The following PCDHGC4 variants were observed in gnomAD, a reference collection of about 807,000 sequenced individuals.
PCDHGC4 encodes protocadherin gamma subfamily C, 4, also known as protocadherin gamma-C4.
In PCDHGC4, 15 loss-of-function variants were observed where a neutral mutation model predicts 59.7. The ratio of observed to expected loss-of-function variants is 0.25; its 90% confidence interval spans 0.17 to 0.39. The LOEUF is 0.39. Ranked by LOEUF, PCDHGC4 falls within the 10% of genes least tolerant of loss-of-function variation. The pLI is 1.00. For synonymous variants in PCDHGC4, 434 were observed against 481.4 expected, an observed-to-expected ratio of 0.90 and a Z score of 1.29; for missense variants, 1,016 against 1,189.5, an observed-to-expected ratio of 0.85 and a Z score of 2.15.
intron 2 of PCDHGC4, among the ~76,000 whole-genome samples, chr5:141,497,293 C>T (rs1270907262): frequency 6.6e-6 from 1 of 152,136 alleles, no homozygotes. Flanking sequence ...TACCTACCAC[C>T]ACCCCAGGCC....
intron 3 of PCDHGC4, among the ~76,000 whole-genome samples, chr5:141,506,012 T>C (rs2099850012): frequency 6.6e-6 from 1 of 152,208 alleles, no homozygotes; most frequent in Non-Finnish European, 1.5e-5. Context: ...CCTCTTTTGC[T>C]GCCCCTAACT....
intron 3 of PCDHGC4, among the ~76,000 whole-genome samples, chr5:141,506,444 C>T (rs542906499): frequency 2.1e-5 from 2 of 95,022 alleles, no homozygotes; most frequent in South Asian, 3.6e-4. Flanking sequence ...CGCTCTGTCT[C>T]AAAAAAAAAA....
rs1463716042 is a variant in PCDHGC4 at position 141,511,338 on chromosome 5, T to C, written c.*165T>C. 42 of 1,429,834 alleles carry C rather than the reference T, an allele frequency of 2.9e-5. No homozygotes were observed. The highest frequency in any genetic ancestry group is 3.9e-5 in the Non-Finnish European group (42 of 1,075,502). 88.6% of individuals were successfully genotyped at this position (1,429,834 alleles called of 1,614,324 possible). A position where few individuals can be genotyped will look rare whatever the true frequency, so the allele number is the denominator to read the frequency against. On this transcript the variant is annotated 3_prime_UTR_variant, in exon 4 of 4. Coordinates refer to ENST00000306593, the MANE Select transcript of PCDHGC4 (RefSeq NM_018928.3). ...CAGAAACAAGTGCCCAGTCAGCACC[T>C]ACCCCTTCCCCCCCAGGGGGTTGAA... is the stretch of plus-strand genomic sequence containing the variant.
At chr5:141,498,971 G>GGGAGGGAAGGAAGGAAGGAAGGAA (rs2099787588) in intron 2 of PCDHGC4, among the ~76,000 whole-genome samples, 6 of 110,972 alleles carry the variant, frequency 5.4e-5, no homozygotes, top group Admixed American at 5.3e-4. Flanking sequence ...GAGGGAGGGA[G>GGGAGGGAAGGAAGGAAGGAAGGAA]GGAAGGAAGG....
Position 141,491,162 on chromosome 5 carries a change from C to T in PCDHGC4, c.2442+3547C>T. 6.2e-7 allele frequency: 1 copy of T among 1,614,112 alleles called. No homozygotes were observed. Among genetic ancestry groups the T allele is most frequent in the Non-Finnish European group, 8.5e-7 (1 of 1,179,952 alleles). On this transcript the variant is annotated intron_variant, in intron 1 of 3. Coordinates refer to ENST00000306593, the MANE Select transcript of PCDHGC4 (RefSeq NM_018928.3). This position sits in a 1 kb window ranked among gnomAD's most constrained non-coding sequence, Gnocchi z 6.9. ...GCCTTACTGGAGGATGACTCTGACA[C>T]CCAGCAGGTGGTGGTCCTGGTGAGG...
In PCDHGC4 at chr5:141,485,115, G is replaced by T. The variant is rs1043877839; in HGVS notation, c.-59G>T. On this transcript the variant is annotated 5_prime_UTR_variant, in exon 1 of 4. Transcript: ENST00000306593. This position sits in a 1 kb window ranked among gnomAD's most constrained non-coding sequence, Gnocchi z 5.7. ...GTGTCTCCAGCTGCTGTGGCTGTTT[G>T]GGGCGGGTCGGCTTCATCCGCGTCT... The T allele has an allele frequency of 3.8e-6, 5 of 1,300,464 alleles. No homozygotes were observed. The African/African-American group carries it at 5.8e-5, about 15-fold the overall frequency. The allele number at this position is 1,300,464 out of a possible 1,614,324, so 80.6% of individuals were successfully genotyped here.
rs750928530 is a variant in PCDHGC4 at position 141,490,174 on chromosome 5, G to T, written c.2442+2559G>T. 1 of 1,614,056 alleles carries T rather than the reference G, an allele frequency of 6.2e-7. No individual in the cohort carries two copies. Among genetic ancestry groups the T allele is most frequent in the South Asian group, 1.1e-5 (1 of 91,086 alleles). ...TGTGTTGGGTCCCATAGACTTTGAG[G>T]AGTCACGTTTCTATGAAATTCATGC... On this transcript the variant is annotated intron_variant, in intron 1 of 3. Transcript: ENST00000306593. This position sits in a 1 kb window ranked among gnomAD's most constrained non-coding sequence, Gnocchi z 5.4.
At chr5:141,496,698 C>T (rs2099770595) in intron 2 of PCDHGC4, among the ~76,000 whole-genome samples, 1 of 152,196 alleles carries the variant, frequency 6.6e-6, no homozygotes, top group Non-Finnish European at 1.5e-5. Context: ...CCAACCTTCT[C>T]ATAAGTTATC....
chr5:141,492,220 C>T (rs1388948434), intron 1 of PCDHGC4, among the ~76,000 whole-genome samples: 2 of 152,190 alleles, frequency 1.3e-5, no homozygotes, highest in Non-Finnish European at 1.5e-5. Context: ...GGGGCTCATG[C>T]GTGTCCTCCC....
At chr5:141,501,755 G>C (rs2099810889) in intron 2 of PCDHGC4, among the ~76,000 whole-genome samples, 1 of 152,116 alleles carries the variant, frequency 6.6e-6, no homozygotes, top group Non-Finnish European at 1.5e-5. Context: ...GAAGCTCTCA[G>C]TAAATGGTTA....
chr5:141,489,990 A>G lies in PCDHGC4; in HGVS notation c.2442+2375A>G. ...TCCAATCCTCAGTTCTACGTGTGGG[A>G]ATCCCAGAGAATGCACCCATTGGTA... is the stretch of plus-strand genomic sequence containing the variant. On this transcript the variant is annotated intron_variant, in intron 1 of 3. Transcript: ENST00000306593. This position sits in a 1 kb window ranked among gnomAD's most constrained non-coding sequence, Gnocchi z 4.5. 6.2e-7 allele frequency: 1 copy of G among 1,614,256 alleles called. No individual in the cohort carries two copies. Among genetic ancestry groups the G allele is most frequent in the Non-Finnish European group, 8.5e-7 (1 of 1,180,030 alleles).
chr5:141,495,449 GCT>G (rs560850951), intron 2 of PCDHGC4, among the ~76,000 whole-genome samples: 3 of 152,194 alleles, frequency 2.0e-5, no homozygotes, highest in Non-Finnish European at 2.9e-5. Flanking sequence ...TACTTGTCCT[GCT>G]CTCTGTCTGT....
At chr5:141,503,004 C>T (rs114294610) in intron 2 of PCDHGC4, among the ~76,000 whole-genome samples, 5,013 of 145,894 alleles carry the variant, frequency 0.034, 127 homozygotes, top group South Asian at 0.076. Context: ...CCACCATGCC[C>T]GGTTAATTTT....
chr5:141,510,709 CAGTGAGTAAGGAA>C (rs1452833908), intron 3 of PCDHGC4, among the ~76,000 whole-genome samples: 7 of 152,168 alleles, frequency 4.6e-5, no homozygotes, highest in Admixed American at 4.6e-4. Flanking sequence ...CCCAGGATCA[CAGTGAGTAAGGAA>C]AGGAGCTAGG....
chr5:141,485,106 T>A lies in PCDHGC4; in HGVS notation c.-68T>A, dbSNP rs2099607051. 8.3e-7 allele frequency: 1 copy of A among 1,206,448 alleles called. No individual in the cohort carries two copies. Among genetic ancestry groups the A allele is most frequent in the Admixed American group, 1.8e-5 (1 of 55,050 alleles). 74.7% of individuals were successfully genotyped at this position (1,206,448 alleles called of 1,614,324 possible). On this transcript the variant is annotated 5_prime_UTR_variant, in exon 1 of 4. Coordinates refer to ENST00000306593, the MANE Select transcript of PCDHGC4 (RefSeq NM_018928.3). The surrounding 1 kb of genome is among the most constrained non-coding windows in gnomAD (Gnocchi z 5.7). ...GGGAGATAGGTGTCTCCAGCTGCTG[T>A]GGCTGTTTGGGGCGGGTCGGCTTCA...
At chr5:141,504,452 T>C (rs1208972630) in intron 2 of PCDHGC4, among the ~76,000 whole-genome samples, 1 of 152,060 alleles carries the variant, frequency 6.6e-6, no homozygotes, top group Non-Finnish European at 1.5e-5. Flanking sequence ...TAGTGCCATG[T>C]GGGGCAGCCG....
chr5:141,505,362 G>A (rs766427680), intron 2 of PCDHGC4, 31 bp from the exon 3 acceptor site: 1 of 1,613,966 alleles, frequency 6.2e-7, no homozygotes, highest in Non-Finnish European at 8.5e-7. Flanking sequence ...CGGCCTGGGA[G>A]TCTGTGCTCA....
rs2099735810 is a variant in PCDHGC4 at position 141,491,979 on chromosome 5, G to A, written c.2443-2828G>A. On this transcript the variant is annotated intron_variant, in intron 1 of 3. Transcript: ENST00000306593. This position sits in a 1 kb window ranked among gnomAD's most constrained non-coding sequence, Gnocchi z 6.9. ...CAAAAAAGGCCGGGGCCTCCTTCGA[G>A]CTTCCGGTGAATTTCGGGCGATTTC... 6.4e-6 allele frequency: 5 copies of A among 787,296 alleles called. No homozygotes were observed. Among genetic ancestry groups the A allele is most frequent in the Non-Finnish European group, 9.4e-6 (5 of 533,208 alleles). 48.8% of individuals were successfully genotyped at this position (787,296 alleles called of 1,614,324 possible).
chr5:141,509,513 T>C (rs2099877131), intron 3 of PCDHGC4, among the ~76,000 whole-genome samples: 2 of 152,068 alleles, frequency 1.3e-5, no homozygotes, highest in Non-Finnish European at 2.9e-5. Flanking sequence ...ACGGTGTTGA[T>C]GATGTATTGC....
Sources: allele counts gnomAD v4.1 joint callset (sites outside exome capture counted in the v4.1 genomes callset), GRCh38; gene constraint gnomAD v4.1.1; non-coding constraint Gnocchi (gnomAD v3.1); transcripts MANE v1.5; gene names NCBI Gene and HGNC (gene_info 2026-07-23, HGNC 2026-07-21).